IL20: variants seen among roughly 807,000 people sequenced by gnomAD.
The protein encoded by IL20 is interleukin-20.
Under a neutral mutation model 19.2 loss-of-function variants are expected in IL20, and 22 were observed. That is an observed-to-expected ratio of 1.15 (90% CI 0.82 to 1.64). The LOEUF (loss-of-function observed/expected upper bound fraction) is 1.64, where lower values mean the gene tolerates loss of function less well. Among genes scored for constraint, IL20 ranks in the 40% most tolerant of loss-of-function variants. The pLI, the probability that IL20 is intolerant of heterozygous loss-of-function variation, is 0.00. For synonymous variants in IL20, 70 were observed against 76.2 expected (o/e 0.92, Z 0.43); for missense variants, 215 against 212.8 (o/e 1.01, Z -0.06).
upstream of IL20, among the ~76,000 whole-genome samples, chr1:206,864,132 TG>T (rs774311568): frequency 8.5e-5 from 13 of 152,150 alleles, no homozygotes; most frequent in Non-Finnish European, 1.8e-4. Context: ...ACCTCAGTGC[TG>T]GGTAAACTGG....
intron 3 of IL20, 56 bp downstream of exon 3, chr1:206,866,420 A>G: frequency 1.2e-6 from 2 of 1,613,104 alleles, no homozygotes; most frequent in Non-Finnish European, 1.7e-6. Flanking sequence ...GAGCATCTCC[A>G]TCACCCTGGT....
chr1:206,864,053 G>A (rs952401199), upstream of IL20, among the ~76,000 whole-genome samples: 1 of 152,176 alleles, frequency 6.6e-6, no homozygotes, highest in African/African-American at 2.4e-5. Context: ...ACTCATTCCA[G>A]TTTACCTGTG....
intron 3 of IL20, 58 bp downstream of exon 3, chr1:206,866,422 C>T: frequency 6.2e-7 from 1 of 1,612,600 alleles, no homozygotes; most frequent in Non-Finnish European, 8.5e-7. Flanking sequence ...GCATCTCCAT[C>T]ACCCTGGTCT....
intron 4 of IL20, 55 bp downstream of exon 4, chr1:206,866,691 T>C: frequency 6.5e-7 from 1 of 1,528,462 alleles, no homozygotes; most frequent in Non-Finnish European, 9.0e-7. Flanking sequence ...TTCAATGGCT[T>C]AGCAACTAAA....
chr1:206,867,976 A>G (rs1178270728), intron 5 of IL20, among the ~76,000 whole-genome samples: 1 of 152,162 alleles, frequency 6.6e-6, no homozygotes, highest in Admixed American at 6.5e-5. Context: ...ATCATCTTGT[A>G]GGAATTTCAT....
Position 206,866,394 on chromosome 1 carries a change from A to C in IL20, c.225+30A>C, listed in dbSNP as rs760017039. On this transcript the variant is annotated intron_variant, in intron 3 of 5. Coordinates refer to ENST00000367098, the MANE Select transcript of IL20 (RefSeq NM_018724.4). ...GTGCTTGGCCCAGACAAACTCTGGG[A>C]GGAGGAGTGGAGTGGGAGCATCTCC... 3 of 1,612,596 alleles carry C rather than the reference A, an allele frequency of 1.9e-6. No homozygotes were observed. The African/African-American group carries it at 4.0e-5, about 21-fold the overall frequency.
intron 5 of IL20, 104 bp downstream of exon 5, chr1:206,867,562 T>C: frequency 3.2e-6 from 3 of 947,852 alleles, no homozygotes; most frequent in Non-Finnish European, 5.1e-6. Context: ...AGCCTTCAGG[T>C]TCATAGCCCT....
intron 4 of IL20, 149 bp downstream of exon 4, chr1:206,866,785 A>G: frequency 1.2e-6 from 1 of 825,292 alleles, no homozygotes; most frequent in East Asian, 2.4e-5. Flanking sequence ...TGACTAGGTA[A>G]TAAGAACTCA....
chr1:206,864,093 G>A (rs554665740), upstream of IL20, among the ~76,000 whole-genome samples: 3 of 152,128 alleles, frequency 2.0e-5, no homozygotes, highest in East Asian at 1.9e-4. Context: ...TGAAATTTTC[G>A]TATTTCAGGA....
rs1558632434 is a variant in IL20, at chr1:206,868,874, T to TG, written c.*310_*311insG. Reference sequence around the variant, plus strand: ...ATTTTTTTACTTGGACATGAAACTTTAAAAAAATTCACAGATTATATTTAT... The same window carrying TG: ...ATTTTTTTACTTGGACATGAAACTTTGAAAAAAATTCACAGATTATATTTAT... On this transcript the variant is annotated 3_prime_UTR_variant, in exon 6 of 6. Coordinates refer to ENST00000367098, the MANE Select transcript of IL20 (RefSeq NM_018724.4). 6.3e-6 allele frequency: 1 copy of TG among 157,616 alleles called. No individual in the cohort carries two copies. The highest frequency in any genetic ancestry group is 1.4e-5 in the Non-Finnish European group (1 of 71,818). 9.8% of individuals were successfully genotyped at this position (157,616 alleles called of 1,614,324 possible).
At position 206,868,607 on chromosome 1, in the gene IL20, C is replaced by G; in HGVS notation, c.*43C>G. On this transcript the variant is annotated 3_prime_UTR_variant, in exon 6 of 6. Transcript: ENST00000367098. ...TGCTAAGAATATTCGAGGTCAAGAG[C>G]TCCAGTCTTCAATACCTGCAGAGGA... 1.4e-6 allele frequency: 2 copies of G among 1,469,422 alleles called. No individual in the cohort carries two copies. The highest frequency in any genetic ancestry group is 1.9e-6 in the Non-Finnish European group (2 of 1,079,012). The allele number at this position is 1,469,422 out of a possible 1,614,324, so 91.0% of individuals were successfully genotyped here.
chr1:206,866,397 A>G (rs1677545966), intron 3 of IL20, 33 bp downstream of exon 3: 1 of 1,613,218 alleles, frequency 6.2e-7, no homozygotes, highest in Non-Finnish European at 8.5e-7. Context: ...CTCTGGGAGG[A>G]GGAGTGGAGT....
In IL20 at chr1:206,866,317, A is replaced by G; in HGVS notation, c.178A>G (p.Ile60Val). 1 of 1,614,134 alleles carries G rather than the reference A, an allele frequency of 6.2e-7. No individual in the cohort carries two copies. The highest frequency in any genetic ancestry group is 8.5e-7 in the Non-Finnish European group (1 of 1,180,000). The change falls in exon 3 of 6, where the codon ATT (isoleucine) becomes GTT (valine). Residue 60 changes from isoleucine (I) to valine (V), a missense_variant. Ile to Val is a conservative substitution (Grantham distance 29). Coordinates refer to ENST00000367098, the MANE Select transcript of IL20 (RefSeq NM_018724.4). ...TGTTTAGCAAGCCAAAGATGGAAAC[A>G]TTGACATCAGAATCTTAAGGAGGAC... Reference protein sequence around the residue: ...RGSVQAKDGNIDIRILRRTES... With the variant: ...RGSVQAKDGNVDIRILRRTES...
At position 206,866,312 on chromosome 1, in the gene IL20, G is replaced by A; in HGVS notation, c.173G>A (p.Gly58Glu). ...EIRGSVQAKDGNIDIRILRRT... is the reference protein window; with the variant it reads ...EIRGSVQAKDENIDIRILRRT... The stretch of plus-strand genomic sequence containing the variant: ...TCTTCTGTTTAGCAAGCCAAAGATG[G>A]AAACATTGACATCAGAATCTTAAGG... The change falls in exon 3 of 6, where the codon GGA becomes GAA. Residue 58 changes from glycine to glutamate, a missense_variant. Gly to Glu is a moderately conservative substitution (Grantham distance 98). Transcript: ENST00000367098. 1 of 1,614,122 alleles carries A rather than the reference G, an allele frequency of 6.2e-7. No homozygotes were observed. Among genetic ancestry groups the A allele is most frequent in the Non-Finnish European group, 8.5e-7 (1 of 1,179,996 alleles).
rs779602478 is a variant in IL20 at position 206,865,818 on chromosome 1, C to T, written c.-30-5C>T. ...TAAGTCATGCTCTCTTCTTTGAATT[C>T]CTAGCTCCTGTGGTCTCCAGATTTC... On this transcript the variant is annotated splice_region_variant and splice_polypyrimidine_tract_variant and intron_variant, in intron 1 of 5. Coordinates refer to ENST00000367098, the MANE Select transcript of IL20 (RefSeq NM_018724.4). This position sits in a 1 kb window ranked among gnomAD's most constrained non-coding sequence, Gnocchi z 4.1. 2 of 1,549,418 alleles carry T rather than the reference C, an allele frequency of 1.3e-6. No individual in the cohort carries two copies. The highest frequency in any genetic ancestry group is 2.2e-5 in the South Asian group (2 of 90,062).
Position 206,868,788 on chromosome 1 carries a change from CT to C in IL20, c.*225del, listed in dbSNP as rs778772606. On this transcript the variant is annotated 3_prime_UTR_variant, in exon 6 of 6. Transcript: ENST00000367098. ...TGTATAAGATTTTTGTAATATCTTT[CT>C]GCTATTGGATATATTTATTAGTTAA... 582 of 307,690 alleles carry C rather than the reference CT, an allele frequency of 1.9e-3. 3 individuals carry two copies. The highest frequency in any genetic ancestry group is 5.4e-3 in the Middle Eastern group (6 of 1,106). The allele number at this position is 307,690 out of a possible 1,614,324, so 19.1% of individuals were successfully genotyped here. A position where few individuals can be genotyped will look rare whatever the true frequency, so the allele number is the denominator to read the frequency against.
At chr1:206,865,558 T>A (rs1172668218), upstream of IL20, 1 of 1,177,248 alleles carries the variant, frequency 8.5e-7, no homozygotes, top group Middle Eastern at 2.3e-4. This position sits in a 1 kb window ranked among gnomAD's most constrained non-coding sequence, Gnocchi z 4.1. Context: ...CCTTACCTGC[T>A]GGGCACTAAC....
chr1:206,866,058 T>G (rs773568390), intron 2 of IL20, 47 bp downstream of exon 2: 2 of 1,560,414 alleles, frequency 1.3e-6, no homozygotes, highest in African/African-American at 2.7e-5. Flanking sequence ...TTCTCTTCCT[T>G]CCTTGTCCGT....
intron 2 of IL20, 85 bp downstream of exon 2, chr1:206,866,096 T>A: frequency 7.2e-7 from 1 of 1,382,822 alleles, no homozygotes; most frequent in Non-Finnish European, 1.0e-6. Context: ...ACTGGCAGTG[T>A]AATCATAAAA....
Sources: gnomAD v4.1 joint callset for allele counts (sites outside exome capture counted in the v4.1 genomes callset) on GRCh38, gnomAD v4.1.1 for gene constraint, Gnocchi (gnomAD v3.1) non-coding constraint, MANE v1.5 for transcripts, NCBI Gene and HGNC (gene_info 2026-07-23, HGNC 2026-07-21) for gene names.